CIT: variants seen among roughly 807,000 people sequenced by gnomAD.
CIT encodes the protein citron Rho-interacting kinase.
CIT carries 79 observed loss-of-function variants against 272.7 expected under a neutral mutation model. The ratio of observed to expected loss-of-function variants is 0.29; its 90% CI spans 0.24 to 0.35. The LOEUF is 0.35. Ranked by LOEUF, CIT falls within the 10% of genes least tolerant of loss-of-function variation. The pLI, the probability that CIT is intolerant of heterozygous loss-of-function variation, is 1.00. For missense variants in CIT, 1,909 were observed against 2,618.3 expected (o/e 0.73, Z 5.91); for synonymous variants, 948 against 995.6 (o/e 0.95, Z 0.90).
Position 119,792,739 on chromosome 12 carries a change from C to T in CIT, c.1296-7674G>A, listed in dbSNP as rs1055547302. Among the ~76,000 whole-genome samples the T allele has an allele frequency of 3.3e-5, 5 of 152,306 alleles. No individual in the cohort carries two copies. In the East Asian group the frequency reaches 7.7e-4, roughly 24 times the overall value. On this transcript the variant is annotated intron_variant, in intron 10 of 47. Transcript: ENST00000392521. The stretch of plus-strand genomic sequence containing the variant: ...CCACCCGCCTCGGCCTCCCAAAGTG[C>T]TTGGATTACAGGCGTGGGCCACCAC...
chr12:119,806,916 A>G (rs1966646243), intron 9 of CIT, among the ~76,000 whole-genome samples: 1 of 152,212 alleles, frequency 6.6e-6, no homozygotes, highest in Admixed American at 6.5e-5. Context: ...TTGTTCTTGA[A>G]TTTAAGGTTA....
Position 119,713,487 on chromosome 12 carries a change from C to G in CIT, c.4468G>C (p.Gly1490Arg). 6.2e-7 allele frequency: 1 copy of G among 1,614,208 alleles called. No homozygotes were observed. Among genetic ancestry groups the G allele is most frequent in the Non-Finnish European group, 8.5e-7 (1 of 1,180,016 alleles). ...KEPSSSLHLEGWMKVPRNNKR... is the reference protein window; with the variant it reads ...KEPSSSLHLERWMKVPRNNKR... ...TGGTACCTGGGCACCTTCATCCACC[C>G]TTCCAGGTGCAAGCTGCTGCTGGGC... is the stretch of plus-strand genomic sequence containing the variant. The change falls in exon 34 of 48, where the codon GGG (glycine) becomes CGG (arginine). Residue 1490 changes from glycine to arginine, a missense_variant. Gly to Arg is a moderately radical substitution (Grantham distance 125). Coordinates refer to ENST00000392521, the MANE Select transcript of CIT (RefSeq NM_001206999.2). The surrounding 1 kb of genome is among the most constrained non-coding windows in gnomAD (Gnocchi z 5.2).
intron 9 of CIT, among the ~76,000 whole-genome samples, chr12:119,806,091 C>T (rs554308182): frequency 1.7e-4 from 22 of 127,842 alleles, no homozygotes; most frequent in Middle Eastern, 5.6e-3. Flanking sequence ...GAGCCAAGAT[C>T]GTGCCACTGC....
At chr12:119,862,435 T>TA (rs1950368325) in intron 3 of CIT, among the ~76,000 whole-genome samples, 1 of 152,148 alleles carries the variant, frequency 6.6e-6, no homozygotes, top group Non-Finnish European at 1.5e-5. Context: ...TCTCACTATG[T>TA]ATGTGATGTG....
chr12:119,782,709 G>C, intron 12 of CIT, 72 bp from the exon 13 acceptor site: 2 of 1,573,254 alleles, frequency 1.3e-6, no homozygotes, highest in Non-Finnish European at 1.7e-6. Context: ...CATTAAGAGA[G>C]CTGCAAGCTG....
At chr12:119,739,644 A>G (rs1042864603) in intron 24 of CIT, among the ~76,000 whole-genome samples, 1 of 152,180 alleles carries the variant, frequency 6.6e-6, no homozygotes, top group Non-Finnish European at 1.5e-5. Flanking sequence ...ACAAAAGATT[A>G]TATTATAAGC....
At chr12:119,876,642 G>T (rs1950857001) in intron 1 of CIT, among the ~76,000 whole-genome samples, 1 of 152,194 alleles carries the variant, frequency 6.6e-6, no homozygotes, top group Non-Finnish European at 1.5e-5. Flanking sequence ...GGTCAAATAA[G>T]ACTTCACTGA....
At chr12:119,715,022 C>G (rs1181913216) in intron 32 of CIT, among the ~76,000 whole-genome samples, 1 of 152,162 alleles carries the variant, frequency 6.6e-6, no homozygotes, top group Non-Finnish European at 1.5e-5. Context: ...TTGGGAGGGA[C>G]TTGGTGGGAG....
At position 119,804,377 on chromosome 12, in the gene CIT, G is replaced by A. The variant is rs1966464893; in HGVS notation, c.1112-988C>T. Reference sequence around the variant, plus strand: ...CGGGCCAGCCAGGCGAGTTAGAGCCGAGCATCACATCCCCCGCAGTGCAGG... The same window carrying A: ...CGGGCCAGCCAGGCGAGTTAGAGCCAAGCATCACATCCCCCGCAGTGCAGG... On this transcript the variant is annotated intron_variant, in intron 9 of 47. Coordinates refer to ENST00000392521, the MANE Select transcript of CIT (RefSeq NM_001206999.2). The surrounding 1 kb of genome is among the most constrained non-coding windows in gnomAD (Gnocchi z 5.3). 11 of 985,410 alleles carry A rather than the reference G, an allele frequency of 1.1e-5. No homozygotes were observed. Among genetic ancestry groups the A allele is most frequent in the African/African-American group, 3.5e-5 (2 of 57,250 alleles). The allele number at this position is 985,410 out of a possible 1,614,324, so 61.0% of individuals were successfully genotyped here. A position where few individuals can be genotyped will look rare whatever the true frequency, so the allele number is the denominator to read the frequency against.
At chr12:119,722,706 G>A (rs567838556) in intron 28 of CIT, among the ~76,000 whole-genome samples, 7 of 152,268 alleles carry the variant, frequency 4.6e-5, no homozygotes, top group African/African-American at 1.7e-4. Flanking sequence ...CTGAAAGTGG[G>A]TATACTAGCT....
rs914056908 is a variant in CIT at position 119,804,248 on chromosome 12, G to A, written c.1112-859C>T. On this transcript the variant is annotated intron_variant, in intron 9 of 47. Coordinates refer to ENST00000392521, the MANE Select transcript of CIT (RefSeq NM_001206999.2). The surrounding 1 kb of genome is among the most constrained non-coding windows in gnomAD (Gnocchi z 5.3). ...ACTAAGCGCTCTCGGTCTGGGAGGTGGACACTCGTCCATCAGTCACCAGGA... is the reference window on the plus strand; with the variant it reads ...ACTAAGCGCTCTCGGTCTGGGAGGTAGACACTCGTCCATCAGTCACCAGGA... 6.1e-6 allele frequency: 6 copies of A among 985,328 alleles called. No individual in the cohort carries two copies. In the African/African-American group the frequency reaches 1.0e-4, roughly 17 times the overall value. The allele number at this position is 985,328 out of a possible 1,614,324, so 61.0% of individuals were successfully genotyped here.
At chr12:119,795,199 T>C (rs765325510) in intron 10 of CIT, among the ~76,000 whole-genome samples, 4 of 152,106 alleles carry the variant, frequency 2.6e-5, no homozygotes, top group Non-Finnish European at 2.9e-5. Flanking sequence ...CTGGCCAACA[T>C]GGTGAAACCC....
intron 5 of CIT, 145 bp downstream of exon 5, chr12:119,850,029 C>T (rs899075526): frequency 2.6e-5 from 18 of 701,794 alleles, no homozygotes; most frequent in Middle Eastern, 4.9e-4. Context: ...ATCTTTATAA[C>T]GAGGAAACCA....
chr12:119,850,306 A>G (rs1970120062), intron 4 of CIT, 31 bp from the exon 5 acceptor site: 9 of 1,406,326 alleles, frequency 6.4e-6, no homozygotes, highest in Non-Finnish European at 8.0e-6. Context: ...TTAGACAATT[A>G]TAAAGAACTG....
chr12:119,733,529 C>CAAAAAAAAAA (rs113216303), intron 26 of CIT, among the ~76,000 whole-genome samples: 1 of 103,876 alleles, frequency 9.6e-6, no homozygotes. Context: ...GACTCTGTCA[C>CAAAAAAAAAA]AAAAAAAAAA....
At chr12:119,807,790 T>C (rs1002694374) in intron 9 of CIT, among the ~76,000 whole-genome samples, 1 of 151,954 alleles carries the variant, frequency 6.6e-6, no homozygotes, top group Non-Finnish European at 1.5e-5. Context: ...TACAGTATTA[T>C]GAAATCATCA....
intron 9 of CIT, among the ~76,000 whole-genome samples, chr12:119,820,528 C>T (rs1005343306): frequency 6.6e-6 from 1 of 151,904 alleles, no homozygotes; most frequent in African/African-American, 2.4e-5. Flanking sequence ...CCAGCCTGGG[C>T]GACGGGAAGA....
chr12:119,808,734 C>T (rs1593825919), intron 9 of CIT, among the ~76,000 whole-genome samples: 1 of 152,190 alleles, frequency 6.6e-6, no homozygotes, highest in East Asian at 1.9e-4. Flanking sequence ...CGTTCAACTT[C>T]GTTCTCTCTA....
At position 119,735,292 on chromosome 12, in the gene CIT, T is replaced by C. The variant is rs1275078831; in HGVS notation, c.3024A>G (p.Gln1008=). The C allele has an allele frequency of 6.2e-7, 1 of 1,614,102 alleles. No homozygotes were observed. The highest frequency in any genetic ancestry group is 8.5e-7 in the Non-Finnish European group (1 of 1,180,052). ...CGAGTTGTTTGGACAAGTAGAAGTT[T>C]TGGTTGTTGAGTTCAGCGTTGTCCT... ...LTEDNAELNN[Q]NFYLSKQLDE... The change falls in exon 25 of 48, where the codon CAA becomes CAG. Residue 1008 remains glutamine, a synonymous_variant. Coordinates refer to ENST00000392521, the MANE Select transcript of CIT (RefSeq NM_001206999.2).
Sources: allele counts gnomAD v4.1 joint callset (sites outside exome capture counted in the v4.1 genomes callset), GRCh38; gene constraint gnomAD v4.1.1; non-coding constraint Gnocchi (gnomAD v3.1); transcripts MANE v1.5; gene names NCBI Gene and HGNC (gene_info 2026-07-23, HGNC 2026-07-21).